The following SNX29 variants were observed in gnomAD, a reference collection of about 807,000 sequenced individuals.
SNX29 encodes the protein sorting nexin 29, also known as sorting nexin-29.
In SNX29, 78 loss-of-function variants were observed where a neutral mutation model predicts 102.1. That is an observed-to-expected ratio of 0.76 (90% CI 0.64 to 0.92). The LOEUF (loss-of-function observed/expected upper bound fraction) is 0.92, where lower values mean the gene tolerates loss of function less well. Among genes scored for constraint, SNX29 ranks in the 40% least tolerant of loss-of-function variants. The probability of loss-of-function intolerance (pLI) is 0.00; values close to 1 mark genes in which losing one functional copy is unlikely to be tolerated. For synonymous variants in SNX29, 580 were observed against 414.5 expected (o/e 1.40, Z -4.85); for missense variants, 1,280 against 1,061.7 (o/e 1.21, Z -2.86).
intron 13 of SNX29, among the ~76,000 whole-genome samples, chr16:12,180,736 C>G (rs943690573): frequency 6.6e-6 from 1 of 152,166 alleles, no homozygotes; most frequent in Non-Finnish European, 1.5e-5. Context: ...CCACCGGCCT[C>G]GGCCTCCCAA....
intron 13 of SNX29, among the ~76,000 whole-genome samples, chr16:12,150,845 A>T (rs983021705): frequency 3.9e-5 from 6 of 152,198 alleles, no homozygotes; most frequent in Non-Finnish European, 8.8e-5. Context: ...TCAGCCAGGC[A>T]AGAGATACGG....
chr16:12,042,984 T>C lies in SNX29; in HGVS notation c.335T>C (p.Val112Ala). Residue 112 changes from valine to alanine, a missense_variant, in exon 5 of 21, where the codon GTG becomes GCG. Transcript: ENST00000566228. Reference sequence around the variant, plus strand: ...TCCCTGCGCCACATCGCCTCAGACGTGGGCCGGGGTCGCGCCTGGCTGCGC... The same window carrying C: ...TCCCTGCGCCACATCGCCTCAGACGCGGGCCGGGGTCGCGCCTGGCTGCGC... ...FYSLRHIASD[V>A]GRGRAWLRCA... 1 of 1,613,814 alleles carries C rather than the reference T, an allele frequency of 6.2e-7. No homozygotes were observed. Among genetic ancestry groups the C allele is most frequent in the Non-Finnish European group, 8.5e-7 (1 of 1,179,866 alleles).
At chr16:12,368,966 C>A (rs1319510446) in intron 16 of SNX29, among the ~76,000 whole-genome samples, 1 of 152,146 alleles carries the variant, frequency 6.6e-6, no homozygotes, top group African/African-American at 2.4e-5. Flanking sequence ...GACCCACATT[C>A]ATTATTGGTG....
At chr16:12,349,758 A>G (rs1243910507) in intron 15 of SNX29, among the ~76,000 whole-genome samples, 3 of 152,086 alleles carry the variant, frequency 2.0e-5, no homozygotes, top group Non-Finnish European at 2.9e-5. Flanking sequence ...ATTTTATCCA[A>G]ATGTGTCTGC....
chr16:12,069,264 C>A, intron 10 of SNX29, 132 bp downstream of exon 10: 1 of 733,848 alleles, frequency 1.4e-6, no homozygotes, highest in Non-Finnish European at 2.1e-6. Flanking sequence ...CATTTATGTT[C>A]AGATTTAGTC....
intron 16 of SNX29, among the ~76,000 whole-genome samples, chr16:12,365,003 T>G (rs1437994241): frequency 6.6e-6 from 1 of 152,058 alleles, no homozygotes; most frequent in Admixed American, 6.6e-5. Flanking sequence ...TCCTTATAAT[T>G]TTCTTATTAG....
chr16:12,563,316 G>A (rs1008298840), intron 20 of SNX29, among the ~76,000 whole-genome samples: 4 of 149,100 alleles, frequency 2.7e-5, no homozygotes. Context: ...TTTGTGACTG[G>A]AGAGAGTCAC....
chr16:12,435,669 G>C (rs1166864802), intron 18 of SNX29, among the ~76,000 whole-genome samples: 1 of 152,236 alleles, frequency 6.6e-6, no homozygotes, highest in African/African-American at 2.4e-5. Flanking sequence ...GCTGCATCCA[G>C]TAGCCCAGTC....
At chr16:12,475,582 A>G (rs1336927502) in intron 18 of SNX29, among the ~76,000 whole-genome samples, 2 of 152,254 alleles carry the variant, frequency 1.3e-5, no homozygotes, top group Non-Finnish European at 2.9e-5. Flanking sequence ...TGTAGTGAAC[A>G]TCATAGCTCA....
chr16:12,038,969 C>T (rs2057554216), intron 4 of SNX29, among the ~76,000 whole-genome samples: 1 of 152,144 alleles, frequency 6.6e-6, no homozygotes, highest in African/African-American at 2.4e-5. Flanking sequence ...GTAGACTGAT[C>T]GGATGAGCTT....
chr16:11,988,605 G>T (rs2055723924), intron 1 of SNX29, among the ~76,000 whole-genome samples: 1 of 152,110 alleles, frequency 6.6e-6, no homozygotes, highest in Non-Finnish European at 1.5e-5. Context: ...TCACTGTATT[G>T]CCCAGGCTGG....
At chr16:12,549,105 G>C (rs1419488436) in intron 20 of SNX29, among the ~76,000 whole-genome samples, 1 of 152,182 alleles carries the variant, frequency 6.6e-6, no homozygotes, top group Non-Finnish European at 1.5e-5. Context: ...GTCATTTCTT[G>C]GGGACATAGC....
At chr16:12,021,267 T>A (rs1186401374) in intron 3 of SNX29, among the ~76,000 whole-genome samples, 1 of 151,792 alleles carries the variant, frequency 6.6e-6, no homozygotes, top group Non-Finnish European at 1.5e-5. Context: ...CTACAAAAAA[T>A]ATAAAAATAT....
chr16:11,998,478 T>C (rs994713465), intron 1 of SNX29, among the ~76,000 whole-genome samples: 1 of 152,168 alleles, frequency 6.6e-6, no homozygotes, highest in Admixed American at 6.5e-5. Flanking sequence ...AATAGGGTTA[T>C]TTATTTTGTG....
At chr16:12,439,809 G>A (rs1305483109) in intron 18 of SNX29, among the ~76,000 whole-genome samples, 1 of 152,150 alleles carries the variant, frequency 6.6e-6, no homozygotes, top group African/African-American at 2.4e-5. Flanking sequence ...TTTCTGCTAG[G>A]GCAGTAGTAC....
chr16:12,144,064 G>A (rs1291416722), intron 13 of SNX29, among the ~76,000 whole-genome samples: 1 of 152,152 alleles, frequency 6.6e-6, no homozygotes, highest in Non-Finnish European at 1.5e-5. Context: ...CTGGAGTGGG[G>A]CCTGCTATCC....
At chr16:12,116,308 A>G (rs1211863454) in intron 11 of SNX29, among the ~76,000 whole-genome samples, 1 of 152,254 alleles carries the variant, frequency 6.6e-6, no homozygotes, top group Admixed American at 6.5e-5. Context: ...CTCAGTATAA[A>G]TGTCCATTAT....
intron 11 of SNX29, among the ~76,000 whole-genome samples, chr16:12,094,085 G>A (rs1263581551): frequency 6.6e-6 from 1 of 152,120 alleles, no homozygotes; most frequent in Non-Finnish European, 1.5e-5. Flanking sequence ...GGGAACCTGG[G>A]CAAGTTATTT....
At chr16:12,394,376 G>C (rs1282071608) in intron 16 of SNX29, among the ~76,000 whole-genome samples, 1 of 152,246 alleles carries the variant, frequency 6.6e-6, no homozygotes. Context: ...TCTGGAGCCA[G>C]ACCACCTGTG....
Sources: allele counts gnomAD v4.1 joint callset (sites outside exome capture counted in the v4.1 genomes callset), GRCh38; gene constraint gnomAD v4.1.1; transcripts MANE v1.5; gene names NCBI Gene and HGNC (gene_info 2026-07-23, HGNC 2026-07-21).